The following TTC34 variants were observed in gnomAD, a reference collection of about 807,000 sequenced individuals.
TTC34 encodes tetratricopeptide repeat protein 34.
TTC34 carries 44 observed loss-of-function variants against 40.7 expected under a neutral mutation model. The observed-to-expected ratio is 1.08, with a 90% CI of 0.85 to 1.39. TTC34 has a LOEUF of 1.39. Among genes scored for constraint, TTC34 ranks in the 40% most tolerant of loss-of-function variants. TTC34 has a pLI of 0.00. For missense variants in TTC34, 884 were observed against 838.0 expected (o/e 1.05, Z -0.68); for synonymous variants, 422 against 398.6 (o/e 1.06, Z -0.70).
Position 2,767,969 on chromosome 1 carries a change from T to G in TTC34, c.2226+15640A>C, listed in dbSNP as rs1374631678. Among the ~76,000 whole-genome samples, 3 of 149,172 alleles carry G rather than the reference T, an allele frequency of 2.0e-5. 1 individual carries two copies. Among genetic ancestry groups the G allele is most frequent in the Admixed American group, 2.0e-4 (3 of 14,944 alleles). On this transcript the variant is annotated intron_variant, in intron 6 of 8. Transcript: ENST00000401095. ...CGATGGCATGGAACAGCACCCCCAC[T>G]CACAGGTGATGTGACTGCGTGGAAC...
intron 2 of TTC34, among the ~76,000 whole-genome samples, chr1:2,795,715 TAAAC>T (rs1408651420): frequency 6.6e-6 from 1 of 152,188 alleles, no homozygotes. Flanking sequence ...TGAAGAACCT[TAAAC>T]AAATTGGAAG....
At chr1:2,685,070 A>T (rs1640264374) in intron 6 of TTC34, among the ~76,000 whole-genome samples, 1 of 140,216 alleles carries the variant, frequency 7.1e-6, no homozygotes, top group Non-Finnish European at 1.5e-5. Flanking sequence ...CTGGAACAGC[A>T]GCCTGCACCC....
At chr1:2,687,158 C>T (rs1474179427) in intron 6 of TTC34, among the ~76,000 whole-genome samples, 1 of 143,634 alleles carries the variant, frequency 7.0e-6, no homozygotes, top group Non-Finnish European at 1.5e-5. Flanking sequence ...TGGAACAGTA[C>T]CCACACACAC....
At chr1:2,751,669 C>A (rs1641324972) in intron 6 of TTC34, among the ~76,000 whole-genome samples, 3 of 146,490 alleles carry the variant, frequency 2.0e-5, no homozygotes, top group East Asian at 2.1e-4. Context: ...CATTGGACAG[C>A]CTGGATCAGC....
In TTC34 at chr1:2,645,587, G is replaced by GGGC; in HGVS notation, c.2227-25_2227-24insGCC. The GGGC allele has an allele frequency of 4.4e-6, 1 of 229,532 alleles. No individual in the cohort carries two copies. Among genetic ancestry groups the GGGC allele is most frequent in the Non-Finnish European group, 8.6e-6 (1 of 116,456 alleles). The allele number at this position is 229,532 out of a possible 1,614,324, so 14.2% of individuals were successfully genotyped here. On this transcript the variant is annotated intron_variant, in intron 6 of 8. Coordinates refer to ENST00000401095, the Ensembl canonical transcript of TTC34. This position sits in a 1 kb window ranked among gnomAD's most constrained non-coding sequence, Gnocchi z 4.7. The stretch of plus-strand genomic sequence containing the variant: ...TCCTGCAAGGAGGGAGGGCGGGCGG[G>GGGC]TGCAGAGTTGTCCTAAGTAGAGAAA...
exon 5 of TTC34, chr1:2,785,824 G>A: frequency 6.5e-7 from 1 of 1,543,604 alleles, no homozygotes; most frequent in Non-Finnish European, 8.7e-7. Context: ...CCTACCTGCG[G>A]CAAAGATGGC....
chr1:2,749,634 G>A lies in TTC34; in HGVS notation c.2226+33975C>T, dbSNP rs1468352788. ...GGTGTGCATGTGATGGTCTGGAGCA[G>A]CCCCCACACCCAGAGGTGAGCATCC... On this transcript the variant is annotated intron_variant, in intron 6 of 8. Transcript: ENST00000401095. Among the ~76,000 whole-genome samples the A allele has an allele frequency of 1.0e-4, 11 of 109,072 alleles. 1 individual carries two copies. The highest frequency in any genetic ancestry group is 1.8e-4 in the Admixed American group (2 of 10,884). 71.6% of individuals were successfully genotyped at this position (109,072 alleles called of 152,430 possible).
chr1:2,685,729 G>T, intron 6 of TTC34, among the ~76,000 whole-genome samples: 3 of 145,266 alleles, frequency 2.1e-5, no homozygotes, highest in Non-Finnish European at 3.0e-5. Context: ...CCCCAGGTGC[G>T]CATCTGATGG....
intron 6 of TTC34, among the ~76,000 whole-genome samples, chr1:2,648,660 C>CCCCACA (rs1488878354): frequency 6.7e-6 from 1 of 149,226 alleles, no homozygotes; most frequent in Non-Finnish European, 1.5e-5. Flanking sequence ...TGGAACAGCA[C>CCCCACA]CCCACACCCC....
At chr1:2,762,164 C>T (rs1641699378) in intron 6 of TTC34, among the ~76,000 whole-genome samples, 2 of 63,116 alleles carry the variant, frequency 3.2e-5, no homozygotes, top group Admixed American at 1.6e-4. Context: ...TGGAGCAGCG[C>T]CCACACCCCC....
intron 6 of TTC34, among the ~76,000 whole-genome samples, chr1:2,675,069 C>T (rs1386946449): frequency 1.2e-4 from 15 of 125,462 alleles, no homozygotes; most frequent in African/African-American, 4.3e-4. Flanking sequence ...GAGTCAGGAG[C>T]AGTGCCCACA....
At chr1:2,777,144 T>C (rs1643228708) in intron 6 of TTC34, among the ~76,000 whole-genome samples, 3 of 66,138 alleles carry the variant, frequency 4.5e-5, no homozygotes, top group African/African-American at 6.9e-5. Context: ...CAGGTGAGCA[T>C]CTGACAGCCT....
chr1:2,790,686 T>C (rs889017711), intron 2 of TTC34, among the ~76,000 whole-genome samples: 2 of 152,218 alleles, frequency 1.3e-5, no homozygotes, highest in African/African-American at 4.8e-5. Context: ...ACAACGCCTT[T>C]CCCTTGCCTG....
rs760218762 is a variant in TTC34 at position 2,641,655 on chromosome 1, G to C, written c.2953C>G (p.Arg985Gly). The C allele has an allele frequency of 6.1e-5, 94 of 1,535,264 alleles. No homozygotes were observed. The highest frequency in any genetic ancestry group is 7.8e-5 in the Non-Finnish European group (90 of 1,146,682). Residue 985 changes from arginine to glycine, a missense_variant, in exon 9 of 9, where the codon CGC becomes GGC. Coordinates refer to ENST00000401095, the Ensembl canonical transcript of TTC34. ...TCATCCCCCAGGCTCAGCAGCAGGCGACCCTGACGGCAGAAGTCCTCTGCC... is the reference window on the plus strand; with the variant it reads ...TCATCCCCCAGGCTCAGCAGCAGGCCACCCTGACGGCAGAAGTCCTCTGCC...
At chr1:2,790,072 C>T (rs911318345) in exon 3 of TTC34, 10 of 397,848 alleles carry the variant, frequency 2.5e-5, no homozygotes, top group Middle Eastern at 1.3e-3. Flanking sequence ...CGCGGGTTAC[C>T]GGGGCCAGCA....
chr1:2,656,936 C>A (rs1164950487), intron 6 of TTC34, among the ~76,000 whole-genome samples: 2 of 93,604 alleles, frequency 2.1e-5, no homozygotes, highest in Non-Finnish European at 5.6e-5. Flanking sequence ...ACAGCACCCA[C>A]ACCCCCAGGT....
In TTC34 at chr1:2,796,084, C is replaced by T. The variant is rs1355557547; in HGVS notation, c.784+3960G>A. Among the ~76,000 whole-genome samples the T allele has an allele frequency of 3.9e-5, 6 of 152,148 alleles. No homozygotes were observed. Among genetic ancestry groups the T allele is most frequent in the Admixed American group, 3.9e-4 (6 of 15,268 alleles). On this transcript the variant is annotated intron_variant, in intron 2 of 8. Transcript: ENST00000401095. This position sits in a 1 kb window ranked among gnomAD's most constrained non-coding sequence, Gnocchi z 4.5. ...CGCCTCTTTGCTCTTCTGTCTTGTG[C>T]CAAGTGAGGATGCAGCATTCAAGGC...
In TTC34 at chr1:2,645,461, C is replaced by T. The variant is rs962004553; in HGVS notation, c.2329G>A (p.Gly777Ser). The T allele has an allele frequency of 7.8e-6, 12 of 1,534,704 alleles. No homozygotes were observed. Among genetic ancestry groups the T allele is most frequent in the Non-Finnish European group, 1.0e-5 (12 of 1,146,426 alleles). ...AGGGCCCGGCAGTGGGAGTAGAGGCCCTGTGTGATGAGGGCCTGGGCTTCC... is the reference window on the plus strand; with the variant it reads ...AGGGCCCGGCAGTGGGAGTAGAGGCTCTGTGTGATGAGGGCCTGGGCTTCC... Residue 777 changes from glycine to serine, a missense_variant, in exon 7 of 9, where the codon GGC becomes AGC. Coordinates refer to ENST00000401095, the Ensembl canonical transcript of TTC34. The surrounding 1 kb of genome is among the most constrained non-coding windows in gnomAD (Gnocchi z 4.7).
intron 6 of TTC34, among the ~76,000 whole-genome samples, chr1:2,699,616 C>G (rs368239258): frequency 0.015 from 1,104 of 74,458 alleles, 69 homozygotes; most frequent in Non-Finnish European, 0.025. Context: ...ACCCACACAC[C>G]CAGGTCAGCA....
Sources: gnomAD v4.1 joint callset for allele counts (sites outside exome capture counted in the v4.1 genomes callset) on GRCh38, gnomAD v4.1.1 for gene constraint, Gnocchi (gnomAD v3.1) non-coding constraint, MANE v1.5 for transcripts, NCBI Gene and HGNC (gene_info 2026-07-23, HGNC 2026-07-21) for gene names.